Variants in PPP2R2B observed in about 807,000 individuals in gnomAD.
The protein encoded by PPP2R2B is serine/threonine-protein phosphatase 2A 55 kDa regulatory subunit B beta isoform.
In PPP2R2B, 5 loss-of-function variants were observed where a neutral mutation model predicts 46.0. That is an observed-to-expected ratio of 0.11 (90% CI 0.06 to 0.23). PPP2R2B has a LOEUF of 0.23. PPP2R2B is among the 10% of genes least tolerant of loss of function. PPP2R2B has a pLI of 1.00. For missense variants in PPP2R2B, 367 were observed against 575.0 expected, an observed-to-expected ratio of 0.64 and a Z score of 3.70; for synonymous variants, 215 against 206.7, an observed-to-expected ratio of 1.04 and a Z score of -0.34.
chr5:146,994,662 G>A (rs1304384540), intron 1 of PPP2R2B, among the ~76,000 whole-genome samples: 1 of 152,002 alleles, frequency 6.6e-6, no homozygotes, highest in Non-Finnish European at 1.5e-5. Flanking sequence ...AATTCCCTGG[G>A]GCCTATGACT....
intron 8 of PPP2R2B, 21 bp downstream of exon 8, chr5:146,600,270 T>TG (rs1202355069): frequency 6.2e-7 from 1 of 1,611,446 alleles, no homozygotes; most frequent in Non-Finnish European, 8.5e-7. Context: ...AATATACCTA[T>TG]GGGTGCCTGG....
At chr5:146,867,118 C>T (rs370578905) in intron 2 of PPP2R2B, among the ~76,000 whole-genome samples, 55 of 152,258 alleles carry the variant, frequency 3.6e-4, no homozygotes, top group African/African-American at 1.2e-3. Context: ...TATGAAAAGT[C>T]AGTTGAAGAA....
rs185897615 is a variant in PPP2R2B, at chr5:146,727,719, C to T, written c.71-26577G>A. Among the ~76,000 whole-genome samples the T allele has an allele frequency of 7.9e-5, 12 of 152,250 alleles. No individual in the cohort carries two copies. In the East Asian group the frequency reaches 2.3e-3, roughly 29 times the overall value. On this transcript the variant is annotated intron_variant, in intron 2 of 9. Coordinates refer to ENST00000394411, the MANE Select transcript of PPP2R2B (RefSeq NM_181675.4). The stretch of plus-strand genomic sequence containing the variant: ...ATAAACAAAATACCCAAAATCTATT[C>T]TTTTAGCAATGTTGAGATATATAAT...
intron 2 of PPP2R2B, among the ~76,000 whole-genome samples, chr5:146,743,576 C>A (rs62375676): frequency 1.3e-5 from 2 of 152,164 alleles, no homozygotes; most frequent in East Asian, 1.9e-4. Flanking sequence ...TCCATCCCCA[C>A]GTCTAATCCA....
intron 7 of PPP2R2B, among the ~76,000 whole-genome samples, chr5:146,601,599 C>T (rs1431421351): frequency 1.3e-5 from 2 of 152,200 alleles, no homozygotes; most frequent in African/African-American, 4.8e-5. Flanking sequence ...TGCCTTGGGT[C>T]TAAGCCTGTC....
intron 1 of PPP2R2B, among the ~76,000 whole-genome samples, chr5:146,910,504 G>T (rs369888043): frequency 1.4e-4 from 21 of 152,288 alleles, no homozygotes; most frequent in East Asian, 1.2e-3. Context: ...TATGATTGTT[G>T]CTTCCTTTAC....
At chr5:146,992,484 G>C (rs1337505135) in intron 1 of PPP2R2B, among the ~76,000 whole-genome samples, 1 of 152,130 alleles carries the variant, frequency 6.6e-6, no homozygotes, top group East Asian at 1.9e-4. Context: ...CTTCCCACAT[G>C]GCCTTCAGTG....
chr5:146,937,170 G>A (rs1028952960), intron 1 of PPP2R2B, among the ~76,000 whole-genome samples: 21 of 151,996 alleles, frequency 1.4e-4, no homozygotes, highest in East Asian at 1.9e-4. Flanking sequence ...GCGTGGTGGC[G>A]CCTGCCTGTA....
chr5:146,957,924 C>T (rs1423156455), intron 1 of PPP2R2B, among the ~76,000 whole-genome samples: 1 of 152,140 alleles, frequency 6.6e-6, no homozygotes, highest in African/African-American at 2.4e-5. Context: ...ACTATAATTA[C>T]AGCCTATGGT....
chr5:146,821,608 T>C (rs1161085373), intron 2 of PPP2R2B, among the ~76,000 whole-genome samples: 3 of 152,204 alleles, frequency 2.0e-5, no homozygotes, highest in Non-Finnish European at 4.4e-5. Flanking sequence ...CATCTCTTAC[T>C]AGCTTGGGAA....
chr5:146,985,022 T>TC (rs1418064500), intron 1 of PPP2R2B, among the ~76,000 whole-genome samples: 15 of 139,070 alleles, frequency 1.1e-4, no homozygotes, highest in African/African-American at 3.9e-4. Flanking sequence ...TTTTTCTTTT[T>TC]TTTTTTTTTT....
At chr5:146,972,466 C>T (rs1352433027) in intron 1 of PPP2R2B, among the ~76,000 whole-genome samples, 4 of 152,102 alleles carry the variant, frequency 2.6e-5, no homozygotes, top group Non-Finnish European at 5.9e-5. Context: ...AATCTCAGCA[C>T]TTTGGGAGGC....
At chr5:146,761,795 C>T (rs1025338997) in intron 2 of PPP2R2B, among the ~76,000 whole-genome samples, 2 of 151,950 alleles carry the variant, frequency 1.3e-5, no homozygotes, top group Admixed American at 6.6e-5. Flanking sequence ...TGTAAAACAC[C>T]TAGCATGGTG....
At chr5:146,689,276 T>C (rs200834308) in intron 5 of PPP2R2B, among the ~76,000 whole-genome samples, 15 of 152,312 alleles carry the variant, frequency 9.8e-5, no homozygotes, top group East Asian at 7.7e-4. Flanking sequence ...ATCCCCGTTA[T>C]ATAGATGAGA....
At chr5:146,622,386 T>A (rs934235774) in intron 7 of PPP2R2B, among the ~76,000 whole-genome samples, 2 of 152,192 alleles carry the variant, frequency 1.3e-5, no homozygotes, top group African/African-American at 4.8e-5. Context: ...GATACTTAGC[T>A]GTACAGAGGG....
chr5:146,723,830 A>G (rs1751677577), intron 2 of PPP2R2B, among the ~76,000 whole-genome samples: 1 of 152,130 alleles, frequency 6.6e-6, no homozygotes. Flanking sequence ...CCCACCTTAC[A>G]AAAGCTCCTC....
At chr5:146,955,906 G>A (rs764481835) in intron 1 of PPP2R2B, among the ~76,000 whole-genome samples, 2 of 150,820 alleles carry the variant, frequency 1.3e-5, no homozygotes, top group Non-Finnish European at 2.9e-5. Flanking sequence ...AGCCTCCTGA[G>A]TAGCTGGGAT....
At chr5:147,047,377 T>C (rs1439257225) in intron 1 of PPP2R2B, among the ~76,000 whole-genome samples, 1 of 152,164 alleles carries the variant, frequency 6.6e-6, no homozygotes, top group Non-Finnish European at 1.5e-5. Context: ...TCACTGTTCA[T>C]GGTAGGTATC....
chr5:146,988,700 C>G (rs1435946556), intron 1 of PPP2R2B, among the ~76,000 whole-genome samples: 2 of 151,524 alleles, frequency 1.3e-5, no homozygotes, highest in East Asian at 3.9e-4. Context: ...CATTATACCT[C>G]AAGGAACTAG....
Sources: allele counts gnomAD v4.1 joint callset (sites outside exome capture counted in the v4.1 genomes callset), GRCh38; gene constraint gnomAD v4.1.1; transcripts MANE v1.5; gene names NCBI Gene and HGNC (gene_info 2026-07-23, HGNC 2026-07-21).